The following IMMP2L variants were observed in gnomAD, a reference collection of about 807,000 sequenced individuals.
IMMP2L encodes inner mitochondrial membrane peptidase subunit 2.
In IMMP2L, 18 loss-of-function variants were observed where a neutral mutation model predicts 19.3. The observed-to-expected ratio is 0.93, with a 90% CI of 0.64 to 1.38. IMMP2L has a LOEUF of 1.38. Among genes scored for constraint, IMMP2L ranks in the 40% most tolerant of loss-of-function variants. The pLI is 0.00. For missense variants in IMMP2L, 233 were observed against 218.2 expected, an observed-to-expected ratio of 1.07 and a Z score of -0.43; for synonymous variants, 76 against 73.0, an observed-to-expected ratio of 1.04 and a Z score of -0.21.
chr7:110,852,246 A>G (rs1419378412), intron 5 of IMMP2L, among the ~76,000 whole-genome samples: 2 of 149,058 alleles, frequency 1.3e-5, no homozygotes, highest in Non-Finnish European at 2.9e-5. Flanking sequence ...GGATGGATGT[A>G]TACACATATA....
intron 3 of IMMP2L, among the ~76,000 whole-genome samples, chr7:111,379,780 C>A (rs1663601467): frequency 6.6e-6 from 1 of 151,766 alleles, no homozygotes; most frequent in African/African-American, 2.4e-5. Context: ...TAAATAAGAA[C>A]TCATTTTAAG....
intron 3 of IMMP2L, among the ~76,000 whole-genome samples, chr7:111,218,417 C>T (rs901860765): frequency 2.0e-5 from 3 of 151,800 alleles, no homozygotes; most frequent in African/African-American, 7.3e-5. Context: ...TTTAATAAAA[C>T]ACAAGTGGAA....
At chr7:110,956,074 TC>T (rs1818326364) in intron 4 of IMMP2L, among the ~76,000 whole-genome samples, 1 of 152,050 alleles carries the variant, frequency 6.6e-6, no homozygotes, top group South Asian at 2.1e-4. Context: ...AATATTGATT[TC>T]CACATCTTCA....
intron 3 of IMMP2L, among the ~76,000 whole-genome samples, chr7:111,327,816 A>G (rs1825475554): frequency 6.6e-6 from 1 of 151,618 alleles, no homozygotes; most frequent in South Asian, 2.1e-4. Context: ...CAAGCTGAAA[A>G]CATAGTGTAC....
intron 3 of IMMP2L, among the ~76,000 whole-genome samples, chr7:111,058,735 A>G (rs1392338421): frequency 1.3e-5 from 2 of 152,162 alleles, no homozygotes; most frequent in Non-Finnish European, 2.9e-5. Context: ...CTCCACCCTT[A>G]GAGAAATTAG....
chr7:111,122,974 C>G, intron 3 of IMMP2L: 1 of 1,613,946 alleles, frequency 6.2e-7, no homozygotes, highest in Non-Finnish European at 8.5e-7. Flanking sequence ...AGCCAGATTG[C>G]CAGCTAACAC....
intron 5 of IMMP2L, among the ~76,000 whole-genome samples, chr7:110,672,453 C>T (rs1791986084): frequency 1.3e-5 from 2 of 152,080 alleles, no homozygotes; most frequent in African/African-American, 4.8e-5. Flanking sequence ...AATCTCATGT[C>T]CTCTCATTTC....
chr7:111,243,669 C>T (rs1815483691), intron 3 of IMMP2L, among the ~76,000 whole-genome samples: 1 of 105,898 alleles, frequency 9.4e-6, no homozygotes, highest in Non-Finnish European at 1.9e-5. Flanking sequence ...CTCCCCCCTC[C>T]CCCGACCCCA....
intron 3 of IMMP2L, among the ~76,000 whole-genome samples, chr7:111,255,147 C>A (rs1221351038): frequency 6.6e-6 from 1 of 152,032 alleles, no homozygotes; most frequent in Non-Finnish European, 1.5e-5. Flanking sequence ...TATTTTAAAG[C>A]ATATCTTCCC....
intron 3 of IMMP2L, among the ~76,000 whole-genome samples, chr7:111,270,874 G>A (rs182988538): frequency 6.6e-6 from 1 of 152,176 alleles, no homozygotes; most frequent in Admixed American, 6.5e-5. Context: ...TCTAAAATGA[G>A]CACTTATCTT....
intron 3 of IMMP2L, among the ~76,000 whole-genome samples, chr7:111,027,934 T>C (rs1258797319): frequency 6.6e-6 from 1 of 151,940 alleles, no homozygotes; most frequent in African/African-American, 2.4e-5. Context: ...CTAGGAGAAA[T>C]GATTCCTGAA....
chr7:110,772,317 G>C (rs558516433), intron 5 of IMMP2L, among the ~76,000 whole-genome samples: 1 of 151,986 alleles, frequency 6.6e-6, no homozygotes, highest in Non-Finnish European at 1.5e-5. Flanking sequence ...TACAACCATC[G>C]GCCTTCTTGT....
At chr7:110,898,562 A>G (rs1049281540) in intron 4 of IMMP2L, among the ~76,000 whole-genome samples, 2 of 152,172 alleles carry the variant, frequency 1.3e-5, no homozygotes, top group African/African-American at 4.8e-5. Context: ...TATTTATTGC[A>G]TAGATTGGGG....
intron 4 of IMMP2L, among the ~76,000 whole-genome samples, chr7:110,938,763 T>TA (rs1816390656): frequency 6.6e-6 from 1 of 152,142 alleles, no homozygotes; most frequent in African/African-American, 2.4e-5. Flanking sequence ...GCTCTTTTTT[T>TA]AATGGTCACC....
intron 5 of IMMP2L, among the ~76,000 whole-genome samples, chr7:110,810,001 C>A (rs1285074361): frequency 6.6e-6 from 1 of 152,038 alleles, no homozygotes; most frequent in Non-Finnish European, 1.5e-5. Flanking sequence ...CCAACGCCAA[C>A]TCTAAGAGGT....
chr7:111,397,638 C>A (rs546155795), intron 3 of IMMP2L, among the ~76,000 whole-genome samples: 1 of 152,246 alleles, frequency 6.6e-6, no homozygotes, highest in South Asian at 2.1e-4. Context: ...CATGCCATTT[C>A]ATTTACAAGT....
intron 4 of IMMP2L, among the ~76,000 whole-genome samples, chr7:110,892,514 G>A (rs1312732121): frequency 1.3e-5 from 2 of 152,028 alleles, no homozygotes; most frequent in Non-Finnish European, 1.5e-5. Flanking sequence ...CTATTAATCT[G>A]CCTTTTGTCA....
chr7:110,874,093 T>C (rs546063392), intron 5 of IMMP2L, among the ~76,000 whole-genome samples: 4 of 152,252 alleles, frequency 2.6e-5, no homozygotes, highest in Admixed American at 2.6e-4. Flanking sequence ...TTGTTTTGCA[T>C]GATTTGTGAT....
intron 3 of IMMP2L, among the ~76,000 whole-genome samples, chr7:111,462,203 T>C (rs1310006518): frequency 6.6e-6 from 1 of 152,108 alleles, no homozygotes; most frequent in Non-Finnish European, 1.5e-5. Flanking sequence ...TGTACACATG[T>C]CAATTTCCAG....
Sources: gnomAD v4.1 joint callset for allele counts (sites outside exome capture counted in the v4.1 genomes callset) on GRCh38, gnomAD v4.1.1 for gene constraint, MANE v1.5 for transcripts, NCBI Gene and HGNC (gene_info 2026-07-23, HGNC 2026-07-21) for gene names.